Variants in COL23A1 observed in about 807,000 individuals in gnomAD.
COL23A1 encodes collagen type XXIII alpha 1 chain, also known as collagen alpha-1(XXIII) chain.
In COL23A1, 97 loss-of-function variants were observed where a neutral mutation model predicts 99.3. The observed-to-expected ratio is 0.98, with a 90% CI of 0.83 to 1.16. The LOEUF is 1.16. COL23A1 is among the 50% of genes most tolerant of loss of function. COL23A1 has a pLI of 0.00. For missense variants in COL23A1, 762 were observed against 757.4 expected (o/e 1.01, Z -0.07); for synonymous variants, 320 against 308.2 (o/e 1.04, Z -0.40).
chr5:178,423,918 C>T (rs1765768826), intron 2 of COL23A1, among the ~76,000 whole-genome samples: 1 of 152,190 alleles, frequency 6.6e-6, no homozygotes, highest in Non-Finnish European at 1.5e-5. Flanking sequence ...GGCCCCTCAC[C>T]CTAATCCAGC....
chr5:178,554,870 A>AG (rs1446147151), intron 2 of COL23A1, among the ~76,000 whole-genome samples: 2 of 152,314 alleles, frequency 1.3e-5, no homozygotes, highest in Admixed American at 6.5e-5. Flanking sequence ...ATATAACATA[A>AG]ACCTGAGCAT....
At chr5:178,372,606 T>G (rs985822531) in intron 2 of COL23A1, among the ~76,000 whole-genome samples, 1 of 152,170 alleles carries the variant, frequency 6.6e-6, no homozygotes, top group African/African-American at 2.4e-5. Context: ...AAAGTCTCTC[T>G]CTATTGGCCA....
At chr5:178,371,406 G>A (rs1403830415) in intron 2 of COL23A1, among the ~76,000 whole-genome samples, 1 of 152,208 alleles carries the variant, frequency 6.6e-6, no homozygotes, top group African/African-American at 2.4e-5. Flanking sequence ...AGGACGACTG[G>A]AGGAGGGGCC....
At chr5:178,478,403 G>GA (rs1420114512) in intron 2 of COL23A1, among the ~76,000 whole-genome samples, 2 of 152,216 alleles carry the variant, frequency 1.3e-5, no homozygotes, top group Non-Finnish European at 2.9e-5. Flanking sequence ...CTGGCCTCCA[G>GA]ACTCAAAACG....
chr5:178,536,316 G>C (rs1760958694), intron 2 of COL23A1, among the ~76,000 whole-genome samples: 1 of 152,258 alleles, frequency 6.6e-6, no homozygotes, highest in South Asian at 2.1e-4. Flanking sequence ...CCAGGGGATG[G>C]ACCGGCGTGG....
In COL23A1 at chr5:178,473,681, C is replaced by T. The variant is rs181962748; in HGVS notation, c.361+87001G>A. Among the ~76,000 whole-genome samples the T allele has an allele frequency of 2.4e-4, 36 of 152,030 alleles. No individual in the cohort carries two copies. In the East Asian group the frequency reaches 3.9e-3, roughly 16 times the overall value. On this transcript the variant is annotated intron_variant, in intron 2 of 28. Transcript: ENST00000390654. ...CCAATGCCCTGAAGATACCAAGGGACGACTGACTATACTGTTTCTACTCTT... is the reference window on the plus strand; with the variant it reads ...CCAATGCCCTGAAGATACCAAGGGATGACTGACTATACTGTTTCTACTCTT...
At chr5:178,330,656 G>GA (rs70994998) in intron 2 of COL23A1, among the ~76,000 whole-genome samples, 130 of 140,240 alleles carry the variant, frequency 9.3e-4, no homozygotes, top group Admixed American at 1.3e-3. Flanking sequence ...CCTCTCTCAA[G>GA]AAAAAAAAAA....
Position 178,358,417 on chromosome 5 carries a change from A to ATG in COL23A1, c.362-51500_362-51499dup, listed in dbSNP as rs879041871. On this transcript the variant is annotated intron_variant, in intron 2 of 28. Coordinates refer to ENST00000390654, the MANE Select transcript of COL23A1 (RefSeq NM_173465.4). ...TGTGTATGTGTATGTGTGTATGTGT[A>ATG]TGTGTGTGTATGTGTATGTGTGTAT... 5.4e-5 allele frequency among the ~76,000 whole-genome samples: 6 copies of ATG among 111,578 alleles called. No individual in the cohort carries two copies. The South Asian group carries it at 1.6e-3, about 30-fold the overall frequency. The allele number at this position is 111,578 out of a possible 152,430, so 73.2% of individuals were successfully genotyped here.
intron 2 of COL23A1, among the ~76,000 whole-genome samples, chr5:178,381,886 T>C (rs936208027): frequency 1.3e-5 from 2 of 152,208 alleles, no homozygotes; most frequent in African/African-American, 4.8e-5. Context: ...TCCTTCCGCC[T>C]CGGCTTCCCA....
At position 178,470,658 on chromosome 5, in the gene COL23A1, C is replaced by T. The variant is rs533241977; in HGVS notation, c.361+90024G>A. Among the ~76,000 whole-genome samples the T allele has an allele frequency of 3.3e-5, 5 of 152,324 alleles. 1 individual carries two copies. The highest frequency in any genetic ancestry group is 3.9e-4 in the East Asian group (2 of 5,180). On this transcript the variant is annotated intron_variant, in intron 2 of 28. Coordinates refer to ENST00000390654, the MANE Select transcript of COL23A1 (RefSeq NM_173465.4). ...AAGACGAGGCCATGGGGGAAACACC[C>T]GCTCATACGACACAAGCATCCTGCC...
chr5:178,392,060 C>T (rs1241585077), intron 2 of COL23A1, among the ~76,000 whole-genome samples: 1 of 151,002 alleles, frequency 6.6e-6, no homozygotes, highest in African/African-American at 2.4e-5. Context: ...TTAGTGGTTG[C>T]TGCGGGCTGG....
Position 178,254,975 on chromosome 5 carries a change from C to T in COL23A1, c.934G>A (p.Asp312Asn). The change falls in exon 16 of 29, where the codon GAT becomes AAT. Residue 312 changes from aspartate (D) to asparagine (N), a missense_variant. Asp to Asn is a conservative substitution (Grantham distance 23). Coordinates refer to ENST00000390654, the MANE Select transcript of COL23A1 (RefSeq NM_173465.4). ...TTGAGGGCATCCAAGATCCTGCCAT[C>T]ATAGTCGATCACCACTGTGTCTCCC... ...EQGDTVVIDY[D>N]GRILDALKGP... is the part of the protein sequence containing the mutation. 1 of 1,613,768 alleles carries T rather than the reference C, an allele frequency of 6.2e-7. No homozygotes were observed. The highest frequency in any genetic ancestry group is 8.5e-7 in the Non-Finnish European group (1 of 1,179,794).
At chr5:178,482,645 G>C (rs980035437) in intron 2 of COL23A1, among the ~76,000 whole-genome samples, 33 of 152,338 alleles carry the variant, frequency 2.2e-4, no homozygotes, top group African/African-American at 7.7e-4. Flanking sequence ...TGTAATCCCA[G>C]CACTCTAAGA....
At chr5:178,263,528 C>T (rs1309220722) in intron 8 of COL23A1, among the ~76,000 whole-genome samples, 5 of 152,212 alleles carry the variant, frequency 3.3e-5, no homozygotes, top group Admixed American at 6.5e-5. Context: ...GTAAGAGGCC[C>T]TACAGGACCC....
Position 178,461,098 on chromosome 5 carries a change from C to T in COL23A1, c.361+99584G>A, listed in dbSNP as rs141513043. Among the ~76,000 whole-genome samples, 576 of 152,292 alleles carry T rather than the reference C, an allele frequency of 3.8e-3. 6 individuals carry two copies. Among genetic ancestry groups the T allele is most frequent in the African/African-American group, 0.013 (534 of 41,552 alleles). ...TGGCAGCAGGACCAGGGGACTTCCACGAAATTGTGCAGAGATGGGAACTGG... is the reference window on the plus strand; with the variant it reads ...TGGCAGCAGGACCAGGGGACTTCCATGAAATTGTGCAGAGATGGGAACTGG... On this transcript the variant is annotated intron_variant, in intron 2 of 28. Coordinates refer to ENST00000390654, the MANE Select transcript of COL23A1 (RefSeq NM_173465.4).
chr5:178,239,239 A>G, intron 27 of COL23A1, 60 bp from the exon 28 acceptor site: 1 of 1,576,250 alleles, frequency 6.3e-7, no homozygotes, highest in Non-Finnish European at 8.7e-7. Flanking sequence ...TCTACACCCC[A>G]CATGCCCTCC....
chr5:178,251,017 G>A (rs1277259285), intron 17 of COL23A1, among the ~76,000 whole-genome samples: 25 of 128,436 alleles, frequency 1.9e-4, no homozygotes, highest in African/African-American at 5.8e-4. Context: ...TTCTCTAATC[G>A]CAAGATAATT....
rs1335859536 is a variant in COL23A1 at position 178,518,918 on chromosome 5, C to T, written c.361+41764G>A. Among the ~76,000 whole-genome samples, 6 of 134,512 alleles carry T rather than the reference C, an allele frequency of 4.5e-5. No homozygotes were observed. In the East Asian group the frequency reaches 1.1e-3, roughly 24 times the overall value. 88.2% of individuals were successfully genotyped at this position (134,512 alleles called of 152,430 possible). ...CGCTGCCCGCTGAACTCCATCCTCCCGGCGGTCGGGCGGCGGCGGCTGCGG... is the reference window on the plus strand; with the variant it reads ...CGCTGCCCGCTGAACTCCATCCTCCTGGCGGTCGGGCGGCGGCGGCTGCGG... On this transcript the variant is annotated intron_variant, in intron 2 of 28. Transcript: ENST00000390654.
In COL23A1 at chr5:178,290,078, C is replaced by T. The variant is rs1209691643; in HGVS notation, c.414+284G>A. The stretch of plus-strand genomic sequence containing the variant: ...TCCTGAGTAGCTGGGGTTACAGGCA[C>T]CCGCCACCACGCCTGGCTATTTTTT... On this transcript the variant is annotated intron_variant, in intron 4 of 28. Coordinates refer to ENST00000390654, the MANE Select transcript of COL23A1 (RefSeq NM_173465.4). Among the ~76,000 whole-genome samples the T allele has an allele frequency of 2.6e-5, 4 of 152,054 alleles. No homozygotes were observed. In the East Asian group the frequency reaches 5.8e-4, roughly 22 times the overall value.
Sources: gnomAD v4.1 joint callset for allele counts (sites outside exome capture counted in the v4.1 genomes callset) on GRCh38, gnomAD v4.1.1 for gene constraint, MANE v1.5 for transcripts, NCBI Gene and HGNC (gene_info 2026-07-23, HGNC 2026-07-21) for gene names.